Variants in CORIN observed in about 807,000 individuals in gnomAD.
The protein encoded by CORIN is atrial natriuretic peptide-converting enzyme.
Under a neutral mutation model 125.3 loss-of-function variants are expected in CORIN, and 117 were observed. The observed-to-expected ratio is 0.93, with a 90% confidence interval of 0.80 to 1.09. The LOEUF (loss-of-function observed/expected upper bound fraction) is 1.09, where lower values mean the gene tolerates loss of function less well. Among genes scored for constraint, CORIN ranks in the 50% least tolerant of loss-of-function variants. CORIN has a pLI of 0.00. For synonymous variants in CORIN, 450 were observed against 466.4 expected (o/e 0.96, Z 0.45); for missense variants, 1,253 against 1,306.7 (o/e 0.96, Z 0.63).
chr4:47,669,260 T>A (rs1384778581), intron 10 of CORIN, among the ~76,000 whole-genome samples: 1 of 152,198 alleles, frequency 6.6e-6, no homozygotes, highest in African/African-American at 2.4e-5. Context: ...TGGTGTTATA[T>A]CGTTATGATG....
At chr4:47,686,759 T>G (rs1725536325) in intron 6 of CORIN, among the ~76,000 whole-genome samples, 2 of 152,204 alleles carry the variant, frequency 1.3e-5, no homozygotes, top group African/African-American at 4.8e-5. Flanking sequence ...AGTATACGCA[T>G]GCATTCGCCC....
intron 11 of CORIN, among the ~76,000 whole-genome samples, chr4:47,664,119 A>G (rs1396512428): frequency 1.3e-5 from 2 of 152,210 alleles, no homozygotes; most frequent in African/African-American, 4.8e-5. Context: ...AGGCCAGCAC[A>G]TTTGTATACC....
chr4:47,837,452 A>T, intron 1 of CORIN: 1 of 262,046 alleles, frequency 3.8e-6, no homozygotes, highest in Non-Finnish European at 7.4e-6. Context: ...GAAGCTGTAG[A>T]TCCCCGAGGG....
At chr4:47,819,619 G>T (rs1732417879) in intron 1 of CORIN, among the ~76,000 whole-genome samples, 1 of 152,126 alleles carries the variant, frequency 6.6e-6, no homozygotes, top group Non-Finnish European at 1.5e-5. Flanking sequence ...TCCCAAAAAT[G>T]GGAAGGATAA....
At chr4:47,625,903 T>C (rs2109562285) in intron 17 of CORIN, among the ~76,000 whole-genome samples, 1 of 152,308 alleles carries the variant, frequency 6.6e-6, no homozygotes, top group African/African-American at 2.4e-5. Context: ...ATCTTCCTCC[T>C]ACACCCCACC....
At chr4:47,600,720 C>T (rs1370318100) in intron 20 of CORIN, among the ~76,000 whole-genome samples, 2 of 152,124 alleles carry the variant, frequency 1.3e-5, no homozygotes, top group Non-Finnish European at 2.9e-5. Flanking sequence ...GCCAGCTCGG[C>T]GTCAACTCAG....
At chr4:47,646,855 C>T (rs61760472) in intron 13 of CORIN, among the ~76,000 whole-genome samples, 16 of 152,006 alleles carry the variant, frequency 1.1e-4, no homozygotes, top group Non-Finnish European at 2.2e-4. Context: ...ACAAATAAGT[C>T]GAATAAATTA....
At chr4:47,767,047 A>C (rs369895187) in intron 3 of CORIN, among the ~76,000 whole-genome samples, 3 of 152,110 alleles carry the variant, frequency 2.0e-5, no homozygotes, top group African/African-American at 7.2e-5. Context: ...AGAATAGTAA[A>C]GGGGAAAAAG....
chr4:47,793,190 G>A (rs1378356528), intron 2 of CORIN, among the ~76,000 whole-genome samples: 5 of 152,074 alleles, frequency 3.3e-5, no homozygotes, highest in Admixed American at 1.3e-4. Flanking sequence ...CCCAGAGCAC[G>A]CACTGGTTAT....
chr4:47,670,291 C>T (rs1005870415), intron 10 of CORIN, among the ~76,000 whole-genome samples: 3 of 152,174 alleles, frequency 2.0e-5, no homozygotes, highest in Non-Finnish European at 2.9e-5. Context: ...CAACGTGTTA[C>T]CAAATGGTAA....
intron 1 of CORIN, among the ~76,000 whole-genome samples, chr4:47,813,129 G>C (rs1440219): frequency 0.11 from 17,429 of 152,130 alleles, 1,323 homozygotes; most frequent in South Asian, 0.2. Context: ...CCAGCTTTGT[G>C]GAGACAGGAC....
At chr4:47,636,436 A>T (rs1239334934) in intron 16 of CORIN, among the ~76,000 whole-genome samples, 1 of 152,212 alleles carries the variant, frequency 6.6e-6, no homozygotes, top group African/African-American at 2.4e-5. Context: ...TTTGATACTG[A>T]ACATGCAAGT....
At chr4:47,646,846 C>T (rs1723510207) in intron 13 of CORIN, among the ~76,000 whole-genome samples, 1 of 152,126 alleles carries the variant, frequency 6.6e-6, no homozygotes, top group African/African-American at 2.4e-5. Flanking sequence ...TAACCTACTA[C>T]AAATAAGTCG....
intron 12 of CORIN, 67 bp downstream of exon 12, chr4:47,661,644 A>T: frequency 1.4e-6 from 2 of 1,389,878 alleles, no homozygotes; most frequent in Non-Finnish European, 9.8e-7. Flanking sequence ...AAATAGAAGA[A>T]ATTCAAAAGG....
intron 13 of CORIN, among the ~76,000 whole-genome samples, chr4:47,645,907 C>T (rs1006644144): frequency 1.3e-5 from 2 of 151,968 alleles, no homozygotes; most frequent in East Asian, 1.9e-4. Flanking sequence ...TAATTAATAA[C>T]TGAATCAGGA....
In CORIN at chr4:47,594,011, AC is replaced by A. The variant is rs1422635150; in HGVS notation, c.*1709del. ...AAAAAAAAAAGGTGATTAGACCATT[AC>A]CATTTTATTTGTATTAAGAATTATT... On this transcript the variant is annotated 3_prime_UTR_variant, in exon 22 of 22. Transcript: ENST00000273857. 6.6e-6 allele frequency: 1 copy of A among 151,830 alleles called. No individual in the cohort carries two copies. The highest frequency in any genetic ancestry group is 1.5e-5 in the Non-Finnish European group (1 of 67,922). 9.4% of individuals were successfully genotyped at this position (151,830 alleles called of 1,614,324 possible).
chr4:47,629,665 A>G (rs1427937336), intron 16 of CORIN, among the ~76,000 whole-genome samples: 3 of 152,124 alleles, frequency 2.0e-5, no homozygotes, highest in Non-Finnish European at 4.4e-5. Flanking sequence ...TCTACAATTC[A>G]TGTATACATT....
intron 20 of CORIN, 137 bp downstream of exon 20, chr4:47,603,260 C>T (rs569899509): frequency 1.8e-4 from 152 of 822,422 alleles, no homozygotes; most frequent in East Asian, 3.4e-4. Context: ...CTTCCCCTTC[C>T]GCCATGATTG....
intron 5 of CORIN, among the ~76,000 whole-genome samples, chr4:47,726,798 A>G (rs1016950919): frequency 1.1e-4 from 17 of 152,090 alleles, no homozygotes; most frequent in African/African-American, 4.1e-4. Flanking sequence ...TAGTTAGATA[A>G]ATTTTACATA....
Sources: gnomAD v4.1 joint callset for allele counts (sites outside exome capture counted in the v4.1 genomes callset) on GRCh38, gnomAD v4.1.1 for gene constraint, MANE v1.5 for transcripts, NCBI Gene and HGNC (gene_info 2026-07-23, HGNC 2026-07-21) for gene names.